TECPR2: variants seen among roughly 807,000 people sequenced by gnomAD.
The protein encoded by TECPR2 is tectonin beta-propeller repeat-containing protein 2.
TECPR2 carries 65 observed loss-of-function variants against 138.1 expected under a neutral mutation model. The observed-to-expected ratio is 0.47, with a 90% CI of 0.39 to 0.58. TECPR2 has a LOEUF of 0.58. Ranked by LOEUF, TECPR2 falls within the 20% of genes least tolerant of loss-of-function variation. The pLI, the probability that TECPR2 is intolerant of heterozygous loss-of-function variation, is 0.00. For missense variants in TECPR2, 1,553 were observed against 1,824.5 expected (o/e 0.85, Z 2.71); for synonymous variants, 746 against 749.8 (o/e 0.99, Z 0.08).
chr14:102,413,428 G>A (rs1040623608), intron 4 of TECPR2, among the ~76,000 whole-genome samples: 2 of 151,280 alleles, frequency 1.3e-5, no homozygotes, highest in African/African-American at 2.4e-5. Flanking sequence ...TGCCCAGGCT[G>A]GAGTGCAGTG....
intron 6 of TECPR2, among the ~76,000 whole-genome samples, 192 bp downstream of exon 6, chr14:102,425,483 G>T (rs544879200): frequency 6.6e-6 from 1 of 152,128 alleles, no homozygotes; most frequent in South Asian, 2.1e-4. Flanking sequence ...AAAAAAATTT[G>T]GTTTTGACAT....
In TECPR2 at chr14:102,498,899, C is replaced by A; in HGVS notation, c.*642C>A. 1 of 682,504 alleles carries A rather than the reference C, an allele frequency of 1.5e-6. No individual in the cohort carries two copies. The highest frequency in any genetic ancestry group is 2.7e-6 in the Non-Finnish European group (1 of 371,756). The allele number at this position is 682,504 out of a possible 1,614,324, so 42.3% of individuals were successfully genotyped here. ...ACACCTCACCTCACACCACAGCACACCTCACCACACCACACCGCACTGCAC... is the reference window on the plus strand; with the variant it reads ...ACACCTCACCTCACACCACAGCACAACTCACCACACCACACCGCACTGCAC... On this transcript the variant is annotated 3_prime_UTR_variant, in exon 20 of 20. Transcript: ENST00000359520.
At chr14:102,471,635 A>G (rs1462863197) in intron 17 of TECPR2, among the ~76,000 whole-genome samples, 1 of 151,942 alleles carries the variant, frequency 6.6e-6, no homozygotes, top group Non-Finnish European at 1.5e-5. Flanking sequence ...CCAGGAGTTC[A>G]AGGCTGTAGT....
At chr14:102,496,836 C>A in intron 17 of TECPR2, 143 bp from the exon 18 acceptor site, 2 of 1,238,516 alleles carry the variant, frequency 1.6e-6, no homozygotes, top group Non-Finnish European at 2.2e-6. Flanking sequence ...GCACTAGGGG[C>A]AGGACGTGGC....
intron 1 of TECPR2, among the ~76,000 whole-genome samples, chr14:102,369,397 C>T (rs1202476924): frequency 6.6e-6 from 1 of 151,972 alleles, no homozygotes; most frequent in East Asian, 1.9e-4. Flanking sequence ...TTTTATTGAT[C>T]GATTGATTTG....
Position 102,434,695 on chromosome 14 carries a change from T to C in TECPR2, c.1878T>C (p.Asp626=), listed in dbSNP as rs2139731170. 6.2e-7 allele frequency: 1 copy of C among 1,613,470 alleles called. No homozygotes were observed. Among genetic ancestry groups the C allele is most frequent in the Non-Finnish European group, 8.5e-7 (1 of 1,179,750 alleles). Residue 626 remains aspartate (D), a synonymous_variant, in exon 9 of 20, where the codon GAT becomes GAC. Coordinates refer to ENST00000359520, the MANE Select transcript of TECPR2 (RefSeq NM_014844.5). ...AGGACAGCTCTCCTGGGGCGCATGA[T>C]GGGGAAGACATCCAACCCATTGGCC... ...QEQDSSPGAH[D]GEDIQPIGPQ... is the part of the protein sequence containing the mutation.
intron 5 of TECPR2, among the ~76,000 whole-genome samples, chr14:102,416,540 C>G (rs1889029650): frequency 2.6e-5 from 4 of 152,374 alleles, no homozygotes; most frequent in African/African-American, 9.6e-5. Flanking sequence ...CTGCTGCTCT[C>G]TCTGCCAGTA....
chr14:102,457,737 A>G (rs1018909457), intron 16 of TECPR2, among the ~76,000 whole-genome samples: 1 of 152,124 alleles, frequency 6.6e-6, no homozygotes, highest in Admixed American at 6.6e-5. Flanking sequence ...GTTAAAGTCA[A>G]CAGTAGGGGG....
At position 102,465,122 on chromosome 14, in the gene TECPR2, T is replaced by C. The variant is rs1378432230; in HGVS notation, c.3641-19T>C. 5 of 1,613,480 alleles carry C rather than the reference T, an allele frequency of 3.1e-6. No homozygotes were observed. Among genetic ancestry groups the C allele is most frequent in the African/African-American group, 2.7e-5 (2 of 74,912 alleles). On this transcript the variant is annotated intron_variant, in intron 16 of 19. Coordinates refer to ENST00000359520, the MANE Select transcript of TECPR2 (RefSeq NM_014844.5). ...TGTACAAAAGTAATTATAGTGTGTG[T>C]ACTTTTCTTTATCTACAGGAGCTGT...
At chr14:102,429,880 G>A (rs1039618910) in intron 7 of TECPR2, among the ~76,000 whole-genome samples, 7 of 152,246 alleles carry the variant, frequency 4.6e-5, no homozygotes, top group South Asian at 2.1e-4. Context: ...CTGGTAGGCA[G>A]TCCCTGTCCA....
At chr14:102,417,137 G>A (rs1451017792) in intron 5 of TECPR2, among the ~76,000 whole-genome samples, 4 of 152,344 alleles carry the variant, frequency 2.6e-5, no homozygotes, top group Admixed American at 6.5e-5. Context: ...CCCCAGGAAC[G>A]TTTTAGGATG....
At chr14:102,382,851 C>A (rs533396111) in intron 2 of TECPR2, among the ~76,000 whole-genome samples, 1 of 152,020 alleles carries the variant, frequency 6.6e-6, no homozygotes, top group Non-Finnish European at 1.5e-5. Context: ...CTCCGTCCCC[C>A]GGGTTCAAGT....
At chr14:102,460,235 T>C (rs879722253) in intron 16 of TECPR2, among the ~76,000 whole-genome samples, 2 of 151,884 alleles carry the variant, frequency 1.3e-5, no homozygotes, top group Non-Finnish European at 2.9e-5. Flanking sequence ...ATGCCACTGC[T>C]GAGCCAAGAT....
chr14:102,400,955 C>T (rs1267422091), intron 2 of TECPR2, among the ~76,000 whole-genome samples: 4 of 151,906 alleles, frequency 2.6e-5, no homozygotes, highest in Non-Finnish European at 5.9e-5. Context: ...ATTGGTTGAA[C>T]CCAGGAGACA....
At chr14:102,483,760 C>T (rs4906207) in intron 17 of TECPR2, among the ~76,000 whole-genome samples, 33,404 of 145,504 alleles carry the variant, frequency 0.23, 4,234 homozygotes, top group Middle Eastern at 0.33. Context: ...TGTTTTCTGT[C>T]TGCTCTGGCT....
chr14:102,383,418 T>C (rs1376709612), intron 2 of TECPR2, among the ~76,000 whole-genome samples: 1 of 151,976 alleles, frequency 6.6e-6, no homozygotes, highest in Non-Finnish European at 1.5e-5. Flanking sequence ...TTTTTTGTTT[T>C]TTTTTTTGAG....
chr14:102,470,394 G>A (rs939465719), intron 17 of TECPR2, among the ~76,000 whole-genome samples: 7 of 150,560 alleles, frequency 4.6e-5, no homozygotes, highest in African/African-American at 1.2e-4. Flanking sequence ...TGCAACCTCC[G>A]TCTCCTGGGT....
chr14:102,484,711 T>A (rs1013821627), intron 17 of TECPR2, among the ~76,000 whole-genome samples: 1 of 152,138 alleles, frequency 6.6e-6, no homozygotes, highest in Admixed American at 6.6e-5. Context: ...CAGGCTGGAG[T>A]GCAGTGGCCC....
Position 102,498,951 on chromosome 14 carries a change from A to G in TECPR2, c.*694A>G, listed in dbSNP as rs1891369473. On this transcript the variant is annotated 3_prime_UTR_variant, in exon 20 of 20. Transcript: ENST00000359520. ...ATACCTCACCACATCTCACCACACCACAGCACACCTCACCACACAACACAC... is the reference window on the plus strand; with the variant it reads ...ATACCTCACCACATCTCACCACACCGCAGCACACCTCACCACACAACACAC... 4.3e-6 allele frequency: 3 copies of G among 694,914 alleles called. No homozygotes were observed. 43.0% of individuals were successfully genotyped at this position (694,914 alleles called of 1,614,324 possible).
Sources: gnomAD v4.1 joint callset for allele counts (sites outside exome capture counted in the v4.1 genomes callset) on GRCh38, gnomAD v4.1.1 for gene constraint, MANE v1.5 for transcripts, NCBI Gene and HGNC (gene_info 2026-07-23, HGNC 2026-07-21) for gene names.